PPFIA2: variants seen among roughly 807,000 people sequenced by gnomAD.
PPFIA2 encodes the protein liprin-alpha-2.
A neutral mutation model predicts 175.5 loss-of-function variants in PPFIA2; 46 were observed. The ratio of observed to expected loss-of-function variants is 0.26; its 90% CI spans 0.21 to 0.34. The LOEUF (loss-of-function observed/expected upper bound fraction) is 0.34, where lower values mean the gene tolerates loss of function less well. PPFIA2 is among the 10% of genes least tolerant of loss of function. The pLI is 1.00. For missense variants in PPFIA2, 1,179 were observed against 1,506.1 expected (o/e 0.78, Z 3.60); for synonymous variants, 568 against 511.4 (o/e 1.11, Z -1.49).
rs568787237 is a variant in PPFIA2 at position 81,423,014 on chromosome 12, G to A, written c.645+16958C>T. 1.8e-4 allele frequency among the ~76,000 whole-genome samples: 28 copies of A among 152,174 alleles called. No individual in the cohort carries two copies. The South Asian group carries it at 5.2e-3, about 28-fold the overall frequency. On this transcript the variant is annotated intron_variant, in intron 7 of 32. Transcript: ENST00000549396. ...ATGAACAATTATAACCCAGCAAACT[G>A]CAGAGCCAAGAAGGAATGGGTAAAT...
At chr12:81,612,897 T>C (rs543083038) in intron 4 of PPFIA2, among the ~76,000 whole-genome samples, 1 of 152,322 alleles carries the variant, frequency 6.6e-6, no homozygotes, top group East Asian at 1.9e-4. Context: ...TTTTATTTCT[T>C]CTTATTTGTT....
At chr12:81,596,894 A>C (rs2059304778) in intron 4 of PPFIA2, among the ~76,000 whole-genome samples, 1 of 152,132 alleles carries the variant, frequency 6.6e-6, no homozygotes, top group Non-Finnish European at 1.5e-5. Flanking sequence ...AGAATTAAAA[A>C]TAGAAGTATA....
intron 7 of PPFIA2, among the ~76,000 whole-genome samples, chr12:81,425,275 C>T (rs537469522): frequency 1.3e-5 from 2 of 152,164 alleles, no homozygotes; most frequent in Non-Finnish European, 2.9e-5. Context: ...CATAAATATA[C>T]TTGACTCAGC....
intron 4 of PPFIA2, among the ~76,000 whole-genome samples, chr12:81,471,782 A>G (rs975409954): frequency 2.0e-4 from 30 of 152,074 alleles, no homozygotes; most frequent in Non-Finnish European, 4.0e-4. Flanking sequence ...ATGGGTTTCA[A>G]TTTCTCCACA....
chr12:81,351,493 A>C (rs1380399685), intron 17 of PPFIA2, among the ~76,000 whole-genome samples: 2 of 152,144 alleles, frequency 1.3e-5, no homozygotes, highest in African/African-American at 4.8e-5. Flanking sequence ...AATATTAATC[A>C]TAAAAAACTC....
rs55816941 is a variant in PPFIA2 at position 81,311,752 on chromosome 12, AG to A, written c.2643-12371del. On this transcript the variant is annotated intron_variant, in intron 22 of 32. Coordinates refer to ENST00000549396, the MANE Select transcript of PPFIA2 (RefSeq NM_003625.5). The stretch of plus-strand genomic sequence containing the variant: ...TGTCTCAAAAAAAAAAAAAAAAAAA[AG>A]AAAGAAAGAAAGAAAGAAAGGTGGA... 3.6e-3 allele frequency among the ~76,000 whole-genome samples: 240 copies of A among 66,490 alleles called. 2 individuals carry two copies. Among genetic ancestry groups the A allele is most frequent in the African/African-American group, 0.016 (173 of 10,914 alleles). The allele number at this position is 66,490 out of a possible 152,430, so 43.6% of individuals were successfully genotyped here. A position where few individuals can be genotyped will look rare whatever the true frequency, so the allele number is the denominator to read the frequency against.
chr12:81,598,153 A>T, intron 4 of PPFIA2: 6 of 1,469,790 alleles, frequency 4.1e-6, no homozygotes, highest in South Asian at 2.8e-5. Flanking sequence ...AATCTGCCCC[A>T]TCCTTCTTAC....
chr12:81,541,696 T>C (rs2153344178), intron 4 of PPFIA2, among the ~76,000 whole-genome samples: 1 of 152,282 alleles, frequency 6.6e-6, no homozygotes, highest in East Asian at 1.9e-4. Context: ...TAATAGTTCC[T>C]TGAATATTTG....
chr12:81,617,406 G>A (rs1402474321), intron 4 of PPFIA2, among the ~76,000 whole-genome samples: 1 of 151,968 alleles, frequency 6.6e-6, no homozygotes, highest in Non-Finnish European at 1.5e-5. Flanking sequence ...CCCTTTTAAG[G>A]TCTGCAGTAG....
At chr12:81,324,643 C>T (rs981736711) in intron 22 of PPFIA2, among the ~76,000 whole-genome samples, 3 of 151,646 alleles carry the variant, frequency 2.0e-5, no homozygotes, top group Non-Finnish European at 2.9e-5. Flanking sequence ...CTAAACAAAA[C>T]GAAGACATTT....
At chr12:81,365,588 C>T (rs1217130610) in intron 14 of PPFIA2, among the ~76,000 whole-genome samples, 2 of 151,752 alleles carry the variant, frequency 1.3e-5, no homozygotes, top group African/African-American at 4.8e-5. Context: ...TCTTTAAATA[C>T]ATACCAGTCA....
intron 18 of PPFIA2, among the ~76,000 whole-genome samples, chr12:81,345,709 C>T (rs549453531): frequency 3.3e-5 from 5 of 152,240 alleles, no homozygotes; most frequent in African/African-American, 1.2e-4. Flanking sequence ...GTCCAGGATT[C>T]TTACTATAGG....
intron 4 of PPFIA2, among the ~76,000 whole-genome samples, chr12:81,565,783 C>A (rs540401565): frequency 6.6e-6 from 1 of 152,266 alleles, no homozygotes; most frequent in South Asian, 2.1e-4. Flanking sequence ...TGCCTAGAAA[C>A]AGCTTTCATA....
intron 3 of PPFIA2, among the ~76,000 whole-genome samples, chr12:81,735,812 C>T (rs1048220774): frequency 6.6e-6 from 1 of 151,782 alleles, no homozygotes; most frequent in Non-Finnish European, 1.5e-5. Context: ...AATAGCCAAT[C>T]ATCCTAGCCT....
At chr12:81,344,075 A>G (rs1442218166) in intron 19 of PPFIA2, among the ~76,000 whole-genome samples, 1 of 151,974 alleles carries the variant, frequency 6.6e-6, no homozygotes, top group Non-Finnish European at 1.5e-5. Flanking sequence ...GCCAGACAAA[A>G]TTAATCAGGC....
chr12:81,512,320 T>A (rs2061894374), intron 4 of PPFIA2: 1 of 1,288,626 alleles, frequency 7.8e-7, no homozygotes, highest in African/African-American at 1.5e-5. Flanking sequence ...TCCCTTCCCA[T>A]CTCCCACTGC....
chr12:81,572,530 C>G (rs2153415752), intron 4 of PPFIA2, among the ~76,000 whole-genome samples: 1 of 152,092 alleles, frequency 6.6e-6, no homozygotes, highest in South Asian at 2.1e-4. Flanking sequence ...AAAACAGTGC[C>G]TACCACATAT....
intron 23 of PPFIA2, 76 bp from the exon 24 acceptor site, chr12:81,295,111 T>C: frequency 7.3e-7 from 1 of 1,371,342 alleles, no homozygotes; most frequent in East Asian, 2.5e-5. Context: ...CTAGGAATTA[T>C]TTTATGTATC....
intron 4 of PPFIA2, among the ~76,000 whole-genome samples, chr12:81,556,488 A>T (rs564660500): frequency 6.6e-5 from 10 of 152,014 alleles, no homozygotes; most frequent in African/African-American, 2.4e-4. Flanking sequence ...GTTTTCCACA[A>T]ACTAACATAA....
Sources: allele counts gnomAD v4.1 joint callset (sites outside exome capture counted in the v4.1 genomes callset), GRCh38; gene constraint gnomAD v4.1.1; transcripts MANE v1.5; gene names NCBI Gene and HGNC (gene_info 2026-07-23, HGNC 2026-07-21).